KDM4C: variants seen among roughly 807,000 people sequenced by gnomAD.
KDM4C encodes the protein lysine demethylase 4C, also known as lysine-specific demethylase 4C.
Under a neutral mutation model 129.3 loss-of-function variants are expected in KDM4C, and 81 were observed. That is an observed-to-expected ratio of 0.63 (90% confidence interval 0.52 to 0.75). KDM4C has a LOEUF of 0.75. KDM4C is among the 30% of genes least tolerant of loss of function. The pLI is 0.00. For synonymous variants in KDM4C, 573 were observed against 456.1 expected (o/e 1.26, Z -3.26); for missense variants, 1,457 against 1,304.0 (o/e 1.12, Z -1.81).
At chr9:6,960,501 C>T (rs1378343858) in intron 8 of KDM4C, among the ~76,000 whole-genome samples, 4 of 151,982 alleles carry the variant, frequency 2.6e-5, no homozygotes, top group African/African-American at 9.7e-5. Context: ...TCAAGCAGTC[C>T]TCCTACCTCG....
chr9:6,805,783 A>G lies in KDM4C; in HGVS notation c.320+9A>G. The stretch of plus-strand genomic sequence containing the variant: ...CTGGCCAACAGTGGCAAGTGAGTAG[A>G]ATCAGTTTGCTATTTCTGTTTCCTT... On this transcript the variant is annotated intron_variant, in intron 3 of 21. Coordinates refer to ENST00000381309, the MANE Select transcript of KDM4C (RefSeq NM_015061.6). The G allele has an allele frequency of 6.2e-7, 1 of 1,605,696 alleles. No homozygotes were observed. The highest frequency in any genetic ancestry group is 1.1e-5 in the South Asian group (1 of 89,224).
intron 1 of KDM4C, among the ~76,000 whole-genome samples, chr9:6,771,760 G>A (rs760541501): frequency 6.6e-6 from 1 of 152,192 alleles, no homozygotes; most frequent in Non-Finnish European, 1.5e-5. Flanking sequence ...GCTGGTCCAG[G>A]CCACAGCTGG....
At chr9:6,974,865 T>A (rs1832673344) in intron 8 of KDM4C, 1 of 152,226 alleles carries the variant, frequency 6.6e-6, no homozygotes, top group Non-Finnish European at 1.5e-5. Flanking sequence ...CATGCTGTTT[T>A]ACATGGCACA....
intron 3 of KDM4C, among the ~76,000 whole-genome samples, chr9:6,812,171 A>C (rs1258753722): frequency 6.6e-6 from 1 of 151,362 alleles, no homozygotes; most frequent in Non-Finnish European, 1.5e-5. Flanking sequence ...CAGGAGGCGG[A>C]GGTTGCATTG....
chr9:6,989,884 C>T (rs1016540014), intron 11 of KDM4C, among the ~76,000 whole-genome samples: 2 of 151,510 alleles, frequency 1.3e-5, no homozygotes, highest in East Asian at 3.9e-4. Flanking sequence ...AAGGGATCCT[C>T]CCACCTTAGC....
chr9:7,032,296 G>A (rs1237335720), intron 15 of KDM4C, among the ~76,000 whole-genome samples: 2 of 152,186 alleles, frequency 1.3e-5, no homozygotes, highest in Non-Finnish European at 2.9e-5. Context: ...AGTTAGCTTA[G>A]GGTAGAGATT....
rs994675476 is a variant in KDM4C at position 7,118,980 on chromosome 9, C to T, written c.2611-9086C>T. Among the ~76,000 whole-genome samples the T allele has an allele frequency of 3.3e-5, 5 of 152,292 alleles. No homozygotes were observed. In the East Asian group the frequency reaches 9.6e-4, roughly 29 times the overall value. On this transcript the variant is annotated intron_variant, in intron 18 of 21. Coordinates refer to ENST00000381309, the MANE Select transcript of KDM4C (RefSeq NM_015061.6). ...TTCTACCTCACAAAAGCCCTTCCCC[C>T]TGTGCTCTTGCCCTAGAGATTAACT...
intron 1 of KDM4C, among the ~76,000 whole-genome samples, chr9:6,746,458 A>G (rs1375565269): frequency 2.1e-4 from 30 of 142,628 alleles, no homozygotes; most frequent in South Asian, 9.0e-4. Context: ...TAGTAGAGAC[A>G]GGGTTTCACC....
chr9:7,067,845 G>T (rs1832649404), intron 17 of KDM4C, among the ~76,000 whole-genome samples: 1 of 152,004 alleles, frequency 6.6e-6, no homozygotes, highest in African/African-American at 2.4e-5. Context: ...GCCCAGGATG[G>T]AGTGCAGTGG....
At chr9:7,073,821 G>A (rs1285100873) in intron 17 of KDM4C, among the ~76,000 whole-genome samples, 2 of 152,138 alleles carry the variant, frequency 1.3e-5, no homozygotes, top group Admixed American at 1.3e-4. Context: ...AGATCTGTTG[G>A]AAAGCTTTGA....
At chr9:6,839,082 A>G (rs193056277) in intron 4 of KDM4C, among the ~76,000 whole-genome samples, 91 of 152,318 alleles carry the variant, frequency 6.0e-4, no homozygotes, top group African/African-American at 2.1e-3. Context: ...TTGTGGCAGT[A>G]TTTTACATTA....
chr9:6,814,845 G>T (rs547958629), intron 4 of KDM4C, 100 bp downstream of exon 4: 1 of 626,056 alleles, frequency 1.6e-6, no homozygotes, highest in East Asian at 3.0e-5. Context: ...GTGCTTTTGG[G>T]TGATCCATAA....
rs111451391 is a variant in KDM4C at position 6,986,589 on chromosome 9, A to T, written c.1600A>T (p.Ser534Cys). 28 of 1,613,968 alleles carry T rather than the reference A, an allele frequency of 1.7e-5. No individual in the cohort carries two copies. The highest frequency in any genetic ancestry group is 1.6e-4 in the African/African-American group (12 of 74,892). ...LTEGEESDVE[S>C]HGNGLEPGEI... is the part of the protein sequence containing the mutation. ...AGAGGGAGAAGAGAGTGATGTGGAG[A>T]GCCATGGGAATGGCCTTGAACCTGG... Residue 534 changes from serine to cysteine, a missense_variant, in exon 11 of 22, where the codon AGC (serine) becomes TGC (cysteine). Coordinates refer to ENST00000381309, the MANE Select transcript of KDM4C (RefSeq NM_015061.6).
upstream of KDM4C, among the ~76,000 whole-genome samples, chr9:6,756,737 G>C (rs959869320): frequency 6.6e-6 from 1 of 152,178 alleles, no homozygotes; most frequent in East Asian, 1.9e-4. Flanking sequence ...GTGTCTGTGT[G>C]TGTAGCGGAA....
At chr9:6,845,996 C>T (rs1837790652) in intron 4 of KDM4C, among the ~76,000 whole-genome samples, 1 of 152,172 alleles carries the variant, frequency 6.6e-6, no homozygotes, top group Non-Finnish European at 1.5e-5. Flanking sequence ...ACTGCTTTTA[C>T]ACTAAATCAT....
intron 8 of KDM4C, among the ~76,000 whole-genome samples, chr9:6,960,848 C>G (rs939615594): frequency 3.0e-5 from 3 of 99,898 alleles, no homozygotes; most frequent in African/African-American, 1.2e-4. Context: ...TCTCAAATAT[C>G]CCCTAGGAAG....
chr9:6,893,075 A>T lies in KDM4C; in HGVS notation c.784-20A>T, dbSNP rs765171465. 4 of 1,469,706 alleles carry T rather than the reference A, an allele frequency of 2.7e-6. No homozygotes were observed. Among genetic ancestry groups the T allele is most frequent in the East Asian group, 2.5e-5 (1 of 40,304 alleles). The allele number at this position is 1,469,706 out of a possible 1,614,324, so 91.0% of individuals were successfully genotyped here. Reference sequence around the variant, plus strand: ...GGAAGTCTTATTTTTACAAAATATTATATGTTTCCTACCTTGCAGATAACC... The same window carrying T: ...GGAAGTCTTATTTTTACAAAATATTTTATGTTTCCTACCTTGCAGATAACC... On this transcript the variant is annotated intron_variant, in intron 7 of 21. Coordinates refer to ENST00000381309, the MANE Select transcript of KDM4C (RefSeq NM_015061.6).
chr9:7,107,807 C>G (rs1837866619), intron 18 of KDM4C, among the ~76,000 whole-genome samples: 2 of 151,994 alleles, frequency 1.3e-5, no homozygotes, highest in African/African-American at 4.8e-5. Context: ...TGTATTTTTC[C>G]TTTAGTATTA....
intron 19 of KDM4C, among the ~76,000 whole-genome samples, chr9:7,160,333 C>G (rs577880076): frequency 9.2e-5 from 14 of 152,188 alleles, no homozygotes; most frequent in Non-Finnish European, 2.1e-4. Flanking sequence ...CCTATTCTGT[C>G]AACTCGTCAA....
Sources: gnomAD v4.1 joint callset for allele counts (sites outside exome capture counted in the v4.1 genomes callset) on GRCh38, gnomAD v4.1.1 for gene constraint, MANE v1.5 for transcripts, NCBI Gene and HGNC (gene_info 2026-07-23, HGNC 2026-07-21) for gene names.